The following SUGCT variants were observed in gnomAD, a reference collection of about 807,000 sequenced individuals.
The protein encoded by SUGCT is succinyl-CoA:glutarate-CoA transferase.
A neutral mutation model predicts 55.0 loss-of-function variants in SUGCT; 41 were observed. The ratio of observed to expected loss-of-function variants is 0.74; its 90% CI spans 0.58 to 0.97. The LOEUF (loss-of-function observed/expected upper bound fraction) is 0.97. Ranked by LOEUF, SUGCT falls within the 50% of genes least tolerant of loss-of-function variation. The probability of loss-of-function intolerance (pLI) is 0.00; values close to 1 mark genes in which losing one functional copy is unlikely to be tolerated. For missense variants in SUGCT, 568 were observed against 547.8 expected (o/e 1.04, Z -0.37); for synonymous variants, 187 against 200.4 (o/e 0.93, Z 0.56).
At chr7:40,338,460 T>G (rs555122815) in intron 9 of SUGCT, among the ~76,000 whole-genome samples, 83 of 152,332 alleles carry the variant, frequency 5.4e-4, no homozygotes, top group African/African-American at 1.9e-3. Context: ...TATATTCTTT[T>G]TTCTCTAAAC....
intron 12 of SUGCT, among the ~76,000 whole-genome samples, chr7:40,622,438 G>A (rs1799305117): frequency 6.6e-6 from 1 of 151,432 alleles, no homozygotes; most frequent in Non-Finnish European, 1.5e-5. Flanking sequence ...ACCCAAGGCT[G>A]CTCGGTCAGC....
chr7:40,216,498 C>CAAAAAA (rs1022915051), intron 6 of SUGCT, among the ~76,000 whole-genome samples: 43 of 50,358 alleles, frequency 8.5e-4, no homozygotes, highest in African/African-American at 2.3e-3. Context: ...GACTCCGTCT[C>CAAAAAA]AAAAAAAAAA....
At chr7:41,016,771 C>T in the SUGCT span, among the ~76,000 whole-genome samples, 1 of 152,134 alleles carries the variant, frequency 6.6e-6, no homozygotes. Context: ...GGCAACTTCC[C>T]AGGATCTCCC....
chr7:40,565,421 A>G lies in SUGCT; in HGVS notation c.1089+69035A>G, dbSNP rs528697482. 2.0e-5 allele frequency among the ~76,000 whole-genome samples: 3 copies of G among 152,370 alleles called. No homozygotes were observed. The South Asian group carries it at 6.2e-4, about 32-fold the overall frequency. On this transcript the variant is annotated intron_variant, in intron 12 of 13. Transcript: ENST00000335693. Reference sequence around the variant, plus strand: ...TAATGGAATAAAGGTCTAATGGTAGATAAGTTTCTGCTGGGGCATAGGCTA... The same window carrying G: ...TAATGGAATAAAGGTCTAATGGTAGGTAAGTTTCTGCTGGGGCATAGGCTA...
intron 9 of SUGCT, among the ~76,000 whole-genome samples, chr7:40,443,281 C>T (rs1338664423): frequency 6.6e-6 from 1 of 152,140 alleles, no homozygotes; most frequent in Non-Finnish European, 1.5e-5. Context: ...AGTTTGAGAT[C>T]CCTGAGGAAT....
At chr7:40,604,650 C>T (rs900421465) in intron 12 of SUGCT, among the ~76,000 whole-genome samples, 4 of 152,136 alleles carry the variant, frequency 2.6e-5, no homozygotes, top group Non-Finnish European at 5.9e-5. Flanking sequence ...CCACCTTGAT[C>T]GTCCCTTATT....
At chr7:40,701,960 A>C (rs577137503) in intron 12 of SUGCT, among the ~76,000 whole-genome samples, 162 of 152,314 alleles carry the variant, frequency 1.1e-3, no homozygotes, top group African/African-American at 3.8e-3. Context: ...GCTGTCACAC[A>C]TATGTCAAAG....
chr7:40,808,754 A>C (rs982006316), intron 13 of SUGCT, among the ~76,000 whole-genome samples: 3 of 152,178 alleles, frequency 2.0e-5, no homozygotes, highest in African/African-American at 7.2e-5. Flanking sequence ...CCATGAATGT[A>C]ATTGTTGTCT....
the SUGCT span, among the ~76,000 whole-genome samples, chr7:40,890,239 AATATTTATATTAT>A: frequency 1.3e-4 from 19 of 142,170 alleles, no homozygotes; most frequent in Admixed American, 5.3e-4. Flanking sequence ...TATATAATTA[AATATTTATATTAT>A]ATATTTATAT....
At chr7:40,623,724 A>G (rs1799382533) in intron 12 of SUGCT, among the ~76,000 whole-genome samples, 3 of 152,080 alleles carry the variant, frequency 2.0e-5, no homozygotes, top group Admixed American at 1.3e-4. Context: ...ACATGCACTC[A>G]TACACACACA....
intron 9 of SUGCT, among the ~76,000 whole-genome samples, chr7:40,360,482 C>G (rs1047823109): frequency 1.3e-5 from 2 of 152,152 alleles, no homozygotes; most frequent in African/African-American, 2.4e-5. Flanking sequence ...AGCGCTGGGT[C>G]TACAGTGAAG....
intron 12 of SUGCT, among the ~76,000 whole-genome samples, chr7:40,582,950 A>G (rs1797183345): frequency 6.6e-6 from 1 of 152,202 alleles, no homozygotes; most frequent in Admixed American, 6.5e-5. Context: ...TTCATAAGCA[A>G]TTTTGGATCA....
intron 12 of SUGCT, among the ~76,000 whole-genome samples, chr7:40,687,958 C>T (rs1784538353): frequency 6.6e-6 from 1 of 151,996 alleles, no homozygotes; most frequent in Non-Finnish European, 1.5e-5. Flanking sequence ...AATTACAGGG[C>T]CCCCCAATAT....
chr7:40,866,458 T>G, the SUGCT span, among the ~76,000 whole-genome samples: 1 of 150,728 alleles, frequency 6.6e-6, no homozygotes. Context: ...AGAATCACTA[T>G]CTCTAGAGGT....
At chr7:40,420,098 A>G (rs1362192601) in intron 9 of SUGCT, among the ~76,000 whole-genome samples, 1 of 152,144 alleles carries the variant, frequency 6.6e-6, no homozygotes, top group Non-Finnish European at 1.5e-5. Context: ...CTGCTGTGTG[A>G]GTACCTGGGT....
chr7:40,887,470 G>A, the SUGCT span, among the ~76,000 whole-genome samples: 3 of 152,180 alleles, frequency 2.0e-5, no homozygotes, highest in African/African-American at 7.2e-5. Flanking sequence ...GAATCACAGA[G>A]CTCAATAATG....
downstream of SUGCT, among the ~76,000 whole-genome samples, chr7:40,863,026 G>A (rs1794522807): frequency 6.6e-6 from 1 of 152,022 alleles, no homozygotes; most frequent in Admixed American, 6.5e-5. Context: ...ATCGCTTGAA[G>A]TCAGCAATTT....
intron 13 of SUGCT, among the ~76,000 whole-genome samples, chr7:40,761,506 C>G (rs1380372284): frequency 6.6e-6 from 1 of 152,174 alleles, no homozygotes; most frequent in Non-Finnish European, 1.5e-5. Flanking sequence ...GTTGTCCCAC[C>G]ACAAAATGAC....
At chr7:41,025,315 T>G in the SUGCT span, among the ~76,000 whole-genome samples, 1 of 152,232 alleles carries the variant, frequency 6.6e-6, no homozygotes, top group South Asian at 2.1e-4. Context: ...GTCTGTATAT[T>G]ATTTTCAGTA....
Sources: allele counts gnomAD v4.1 joint callset (sites outside exome capture counted in the v4.1 genomes callset), GRCh38; gene constraint gnomAD v4.1.1; transcripts MANE v1.5; gene names NCBI Gene and HGNC (gene_info 2026-07-23, HGNC 2026-07-21).